The following ELP4 variants were observed in gnomAD, a reference collection of about 807,000 sequenced individuals.
The protein encoded by ELP4 is elongator acetyltransferase complex subunit 4.
A neutral mutation model predicts 48.9 loss-of-function variants in ELP4; 51 were observed. That is an observed-to-expected ratio of 1.04 (90% CI 0.83 to 1.32). ELP4 has a LOEUF of 1.32. ELP4 is among the 40% of genes most tolerant of loss of function. The pLI is 0.00. For synonymous variants in ELP4, 210 were observed against 189.2 expected (o/e 1.11, Z -0.90); for missense variants, 519 against 514.6 (o/e 1.01, Z -0.08).
At chr11:31,587,040 C>G (rs761948598) in intron 3 of ELP4, among the ~76,000 whole-genome samples, 3 of 152,172 alleles carry the variant, frequency 2.0e-5, no homozygotes, top group Non-Finnish European at 1.5e-5. Flanking sequence ...TTTGACTACC[C>G]TATTTTAAGT....
intron 8 of ELP4, 59 bp downstream of exon 8, chr11:31,647,908 A>T: frequency 1.1e-6 from 1 of 933,342 alleles, no homozygotes; most frequent in East Asian, 2.4e-5. Flanking sequence ...GTTACCTGGA[A>T]GCATCCTATT....
intron 2 of ELP4, among the ~76,000 whole-genome samples, chr11:31,536,432 A>G (rs112028485): frequency 1.1e-3 from 165 of 152,038 alleles, no homozygotes; most frequent in Admixed American, 1.8e-3. Context: ...GCTCACTGCA[A>G]CCTCCACTTC....
rs750233565 is a variant in ELP4, at chr11:31,786,607, A to G, written c.*3083A>G. 4 of 225,536 alleles carry G rather than the reference A, an allele frequency of 1.8e-5. No individual in the cohort carries two copies. The highest frequency in any genetic ancestry group is 3.5e-5 in the Non-Finnish European group (4 of 113,304). The allele number at this position is 225,536 out of a possible 1,614,324, so 14.0% of individuals were successfully genotyped here. On this transcript the variant is annotated 3_prime_UTR_variant, in exon 10 of 10. Transcript: ENST00000640961. ...AAATAAGCAAAAGAATATAGACACA[A>G]TCCTAAGATGACATTCACAGAACAA...
At chr11:31,596,181 G>A (rs924595730) in intron 4 of ELP4, among the ~76,000 whole-genome samples, 3 of 152,120 alleles carry the variant, frequency 2.0e-5, no homozygotes, top group African/African-American at 7.2e-5. Flanking sequence ...GAGGCGGGTG[G>A]ATCACAAGGT....
At chr11:31,579,991 G>C (rs1957360698) in intron 3 of ELP4, among the ~76,000 whole-genome samples, 1 of 151,998 alleles carries the variant, frequency 6.6e-6, no homozygotes, top group African/African-American at 2.4e-5. Context: ...TGTGCTTTTT[G>C]TGGTGTTGAA....
At chr11:31,658,696 GT>G (rs1313011724) in intron 9 of ELP4, among the ~76,000 whole-genome samples, 1 of 151,672 alleles carries the variant, frequency 6.6e-6, no homozygotes. Flanking sequence ...TAATCAACCT[GT>G]TTTTGTATTT....
chr11:31,632,448 A>G lies in ELP4; in HGVS notation c.927+43A>G, dbSNP rs763833142. The G allele has an allele frequency of 9.6e-6, 14 of 1,457,842 alleles. No individual in the cohort carries two copies. In the African/African-American group the frequency reaches 1.6e-4, roughly 16 times the overall value. The allele number at this position is 1,457,842 out of a possible 1,614,324, so 90.3% of individuals were successfully genotyped here. Reference sequence around the variant, plus strand: ...CTACTTTTTCATAATTCATAGTAATATAGTATGACATTGTGGTTTTAGTTT... The same window carrying G: ...CTACTTTTTCATAATTCATAGTAATGTAGTATGACATTGTGGTTTTAGTTT... On this transcript the variant is annotated intron_variant, in intron 7 of 9. Transcript: ENST00000640961.
At chr11:31,571,543 T>A (rs1194612432) in intron 3 of ELP4, among the ~76,000 whole-genome samples, 1 of 152,242 alleles carries the variant, frequency 6.6e-6, no homozygotes, top group African/African-American at 2.4e-5. Context: ...AATATTCTTA[T>A]GGCAGCTAGA....
chr11:31,587,393 AG>A (rs1957494016), intron 3 of ELP4, among the ~76,000 whole-genome samples: 1 of 152,220 alleles, frequency 6.6e-6, no homozygotes, highest in Non-Finnish European at 1.5e-5. Context: ...AGAGGAGTTA[AG>A]AGAAAGTAAG....
In ELP4 at chr11:31,632,320, T is replaced by C. The variant is rs1295203343; in HGVS notation, c.842T>C (p.Leu281Pro). 9.3e-6 allele frequency: 15 copies of C among 1,613,456 alleles called. No homozygotes were observed. Among genetic ancestry groups the C allele is most frequent in the Non-Finnish European group, 1.3e-5 (15 of 1,179,704 alleles). The part of the protein sequence containing the change: ...CAENGGNSHS[L>P]TKFLYVLRGL... ...GAAAATGGTGGCAACAGTCACAGCC[T>C]TACCAAGTTCCTCTATGTTCTCCGT... The change falls in exon 7 of 10, where the codon CTT becomes CCT. Residue 281 changes from leucine to proline, a missense_variant. Transcript: ENST00000640961.
chr11:31,771,137 C>T (rs1325232175), intron 9 of ELP4, among the ~76,000 whole-genome samples: 1 of 152,120 alleles, frequency 6.6e-6, no homozygotes, highest in Non-Finnish European at 1.5e-5. Context: ...ACACAAGTCT[C>T]AACTCCTCTA....
intron 2 of ELP4, among the ~76,000 whole-genome samples, chr11:31,533,609 C>T (rs1456976078): frequency 1.3e-5 from 2 of 151,248 alleles, no homozygotes; most frequent in East Asian, 2.0e-4. Context: ...AGGATGGTCT[C>T]GATCTCCTGA....
At chr11:31,643,900 C>T (rs574781566) in intron 7 of ELP4, among the ~76,000 whole-genome samples, 1 of 151,738 alleles carries the variant, frequency 6.6e-6, no homozygotes, top group South Asian at 2.1e-4. Flanking sequence ...TGCTTATTTG[C>T]AACACCATTT....
intron 3 of ELP4, among the ~76,000 whole-genome samples, chr11:31,570,380 G>A (rs1250779983): frequency 1.3e-5 from 2 of 151,988 alleles, no homozygotes; most frequent in African/African-American, 4.8e-5. Flanking sequence ...GTGAGGCAAG[G>A]GTTGAAAACT....
chr11:31,724,044 C>G (rs1180006373), intron 9 of ELP4, among the ~76,000 whole-genome samples: 1 of 152,182 alleles, frequency 6.6e-6, no homozygotes, highest in African/African-American at 2.4e-5. Flanking sequence ...TTAAAACTTT[C>G]TATAGATGGC....
In ELP4 at chr11:31,787,763, A is replaced by G. The variant is rs1948767999; in HGVS notation, c.*4239A>G. 2 of 228,730 alleles carry G rather than the reference A, an allele frequency of 8.7e-6. No homozygotes were observed. The highest frequency in any genetic ancestry group is 1.7e-5 in the Non-Finnish European group (2 of 115,248). 14.2% of individuals were successfully genotyped at this position (228,730 alleles called of 1,614,324 possible). On this transcript the variant is annotated 3_prime_UTR_variant, in exon 10 of 10. Transcript: ENST00000640961. ...ACTCTGGTGGAATAAAATTATTAGT[A>G]TATTTCATGCCGGAGCAATGAATCT...
intron 5 of ELP4, among the ~76,000 whole-genome samples, chr11:31,616,714 T>G (rs1944492430): frequency 6.6e-6 from 1 of 152,050 alleles, no homozygotes; most frequent in Non-Finnish European, 1.5e-5. Context: ...CTCCTACGAC[T>G]TGACAACATA....
chr11:31,579,374 T>A (rs1957345874), intron 3 of ELP4, among the ~76,000 whole-genome samples: 1 of 152,216 alleles, frequency 6.6e-6, no homozygotes. Context: ...GAAGACAGTG[T>A]GGCGATTCCT....
At chr11:31,510,047 A>C (rs150210490) in intron 1 of ELP4, 40 bp downstream of exon 1, 15,987 of 1,584,000 alleles carry the variant, frequency 0.01, 97 homozygotes, top group Non-Finnish European at 0.013. Flanking sequence ...CCGAGGGGAA[A>C]CTTAGGGAGG....
Sources: gnomAD v4.1 joint callset for allele counts (sites outside exome capture counted in the v4.1 genomes callset) on GRCh38, gnomAD v4.1.1 for gene constraint, MANE v1.5 for transcripts, NCBI Gene and HGNC (gene_info 2026-07-23, HGNC 2026-07-21) for gene names.